Variants in MAST4 observed in about 807,000 individuals in gnomAD.
MAST4 encodes the protein microtubule associated serine/threonine kinase family member 4.
A neutral mutation model predicts 162.7 loss-of-function variants in MAST4; 89 were observed. The ratio of observed to expected loss-of-function variants is 0.55; its 90% confidence interval spans 0.46 to 0.65. The LOEUF is 0.65. Among genes scored for constraint, MAST4 ranks in the 30% least tolerant of loss-of-function variants. The pLI is 0.00. For synonymous variants in MAST4, 1,479 were observed against 1,361.1 expected, an observed-to-expected ratio of 1.09 and a Z score of -1.91; for missense variants, 3,153 against 3,374.0, an observed-to-expected ratio of 0.93 and a Z score of 1.62.
At chr5:66,662,114 C>T (rs1051906968) in intron 1 of MAST4, among the ~76,000 whole-genome samples, 1 of 150,784 alleles carries the variant, frequency 6.6e-6, no homozygotes, top group African/African-American at 2.4e-5. Flanking sequence ...AGCCACTATT[C>T]TAGGCTCTGG....
chr5:66,750,704 T>C (rs374837667), intron 1 of MAST4, among the ~76,000 whole-genome samples: 10 of 152,232 alleles, frequency 6.6e-5, no homozygotes, highest in East Asian at 3.9e-4. Context: ...TGCAAGGCGG[T>C]AGCGAGGCTG....
At chr5:67,158,126 G>C (rs1772759395) in intron 26 of MAST4, among the ~76,000 whole-genome samples, 1 of 152,102 alleles carries the variant, frequency 6.6e-6, no homozygotes, top group African/African-American at 2.4e-5. Context: ...TAAAATTTCA[G>C]CATGGCCTCA....
Position 66,715,052 on chromosome 5 carries a change from G to T in MAST4, c.364-44657G>T, listed in dbSNP as rs144910673. On this transcript the variant is annotated intron_variant, in intron 1 of 28. Coordinates refer to ENST00000403625, the MANE Select transcript of MAST4 (RefSeq NM_001164664.2). ...TTCCAAGAGGCACTGGGCCCATGGA[G>T]AGTAACAAGGAAATTACTTCAGATG... Among the ~76,000 whole-genome samples, 583 of 152,268 alleles carry T rather than the reference G, an allele frequency of 3.8e-3. 3 individuals are homozygous for T. Among genetic ancestry groups the T allele is most frequent in the African/African-American group, 0.013 (551 of 41,552 alleles).
At position 67,164,185 on chromosome 5, in the gene MAST4, A is replaced by G; in HGVS notation, c.5006A>G (p.Gln1669Arg). 1.9e-6 allele frequency: 3 copies of G among 1,611,930 alleles called. No individual in the cohort carries two copies. The highest frequency in any genetic ancestry group is 2.5e-6 in the Non-Finnish European group (3 of 1,179,010). The change falls in exon 29 of 29, where the codon CAG becomes CGG. Residue 1669 changes from glutamine (Q) to arginine (R), a missense_variant. Transcript: ENST00000403625. This position sits in a 1 kb window ranked among gnomAD's most constrained non-coding sequence, Gnocchi z 5.3. ...GGGGAAGGCACGGAGAAGTCCTCCCAGGCCAAGGAGCTTCTCCGATGTGAA... is the reference window on the plus strand; with the variant it reads ...GGGGAAGGCACGGAGAAGTCCTCCCGGGCCAAGGAGCTTCTCCGATGTGAA... Reference protein sequence around the residue: ...GKGEGTEKSSQAKELLRCEKL... With the variant: ...GKGEGTEKSSRAKELLRCEKL...
intron 1 of MAST4, among the ~76,000 whole-genome samples, chr5:66,659,340 C>G (rs1221598583): frequency 6.6e-6 from 1 of 152,186 alleles, no homozygotes; most frequent in African/African-American, 2.4e-5. Flanking sequence ...GGGACTTGAA[C>G]GTGGTTCATC....
chr5:66,806,567 C>G (rs967341147), intron 3 of MAST4, among the ~76,000 whole-genome samples: 14 of 152,190 alleles, frequency 9.2e-5, no homozygotes, highest in African/African-American at 3.4e-4. Flanking sequence ...CTTCCTCTCT[C>G]AGGATCATAG....
chr5:67,120,281 A>C (rs1046833499), intron 13 of MAST4, among the ~76,000 whole-genome samples: 2 of 152,162 alleles, frequency 1.3e-5, no homozygotes, highest in Non-Finnish European at 2.9e-5. Flanking sequence ...GTCAGTGATG[A>C]CAGCCCTGAG....
chr5:67,050,688 A>T (rs2150540087), intron 4 of MAST4, among the ~76,000 whole-genome samples: 1 of 152,352 alleles, frequency 6.6e-6, no homozygotes, highest in South Asian at 2.1e-4. Context: ...TCAAGTTGTT[A>T]TATGACTGTC....
chr5:67,026,712 A>G (rs1321051357), intron 4 of MAST4, among the ~76,000 whole-genome samples: 1 of 152,170 alleles, frequency 6.6e-6, no homozygotes, highest in Non-Finnish European at 1.5e-5. Context: ...AGACAGAATA[A>G]TTGTAAATCA....
intron 1 of MAST4, among the ~76,000 whole-genome samples, chr5:66,660,889 T>C (rs565398834): frequency 9.8e-5 from 15 of 152,390 alleles, no homozygotes; most frequent in African/African-American, 3.1e-4. Context: ...GTTAATTTCA[T>C]TTAATAAAAA....
At chr5:66,598,631 A>G (rs1016841508) in intron 1 of MAST4, among the ~76,000 whole-genome samples, 1 of 152,146 alleles carries the variant, frequency 6.6e-6, no homozygotes. Context: ...TTCTGCCTCC[A>G]CTTCTACAGA....
intron 26 of MAST4, among the ~76,000 whole-genome samples, chr5:67,159,800 T>C (rs994831393): frequency 2.6e-5 from 4 of 152,304 alleles, no homozygotes; most frequent in Middle Eastern, 3.4e-3. Context: ...TACCTTACCC[T>C]GTATGACCTG....
At chr5:67,138,468 CTG>C (rs1300061302) in intron 19 of MAST4, among the ~76,000 whole-genome samples, 5 of 152,070 alleles carry the variant, frequency 3.3e-5, no homozygotes, top group African/African-American at 1.2e-4. Context: ...GCATCTCACT[CTG>C]TCACCCAGGC....
At chr5:67,130,602 A>G (rs2287929) in intron 15 of MAST4, among the ~76,000 whole-genome samples, 184 bp downstream of exon 15, 11,303 of 152,256 alleles carry the variant, frequency 0.074, 526 homozygotes, top group South Asian at 0.13. Context: ...CTGCTCTACT[A>G]TAACAAAGAG....
rs1281039178 is a variant in MAST4 at position 66,866,913 on chromosome 5, CT to C, written c.643-33032del. On this transcript the variant is annotated intron_variant, in intron 3 of 28. Transcript: ENST00000403625. ...CATAGGCGTGGGCTACCACGGCAGG[CT>C]TTTTTGTTTGTTTGTTTGTTTGTTT... Among the ~76,000 whole-genome samples the C allele has an allele frequency of 3.4e-5, 4 of 118,722 alleles. 1 individual carries two copies. 77.9% of individuals were successfully genotyped at this position (118,722 alleles called of 152,430 possible).
chr5:66,795,820 G>C (rs1020922899), intron 3 of MAST4, among the ~76,000 whole-genome samples: 1 of 152,156 alleles, frequency 6.6e-6, no homozygotes, highest in African/African-American at 2.4e-5. Context: ...TGTAGCTGAA[G>C]GCATTATTCC....
chr5:67,014,973 A>G (rs1468364338), intron 4 of MAST4, among the ~76,000 whole-genome samples: 3 of 152,184 alleles, frequency 2.0e-5, no homozygotes, highest in African/African-American at 4.8e-5. Flanking sequence ...CAGATACTGA[A>G]CTGGTTAGCT....
chr5:67,136,915 A>G (rs1023449378), intron 19 of MAST4, among the ~76,000 whole-genome samples: 4 of 152,256 alleles, frequency 2.6e-5, no homozygotes, highest in East Asian at 1.9e-4. Flanking sequence ...AGCAGAAATT[A>G]TGCTTAATTT....
chr5:67,020,599 G>A (rs115749234), intron 4 of MAST4, among the ~76,000 whole-genome samples: 12 of 152,284 alleles, frequency 7.9e-5, no homozygotes, highest in African/African-American at 2.6e-4. Flanking sequence ...TCAAGTTGAC[G>A]CCTCTTCCTC....
Sources: allele counts gnomAD v4.1 joint callset (sites outside exome capture counted in the v4.1 genomes callset), GRCh38; gene constraint gnomAD v4.1.1; non-coding constraint Gnocchi (gnomAD v3.1); transcripts MANE v1.5; gene names NCBI Gene and HGNC (gene_info 2026-07-23, HGNC 2026-07-21).